The following TPO variants were observed in gnomAD, a reference collection of about 807,000 sequenced individuals.
The protein encoded by TPO is thyroid microsomal antigen.
TPO carries 78 observed loss-of-function variants against 96.9 expected under a neutral mutation model. The observed-to-expected ratio is 0.81, with a 90% CI of 0.67 to 0.97. The LOEUF is 0.97. Ranked by LOEUF, TPO falls within the 50% of genes least tolerant of loss-of-function variation. The pLI, the probability that TPO is intolerant of heterozygous loss-of-function variation, is 0.00. For missense variants in TPO, 1,252 were observed against 1,274.8 expected, an observed-to-expected ratio of 0.98 and a Z score of 0.27; for synonymous variants, 547 against 538.0, an observed-to-expected ratio of 1.02 and a Z score of -0.23.
intron 5 of TPO, chr2:1,439,222 A>T (rs2148514019): frequency 4.8e-6 from 1 of 210,036 alleles, no homozygotes; most frequent in South Asian, 1.2e-4. Flanking sequence ...TCTGCTGACC[A>T]CACAATGACA....
At chr2:1,395,652 C>T (rs1164441644) in intron 1 of TPO, among the ~76,000 whole-genome samples, 1 of 152,212 alleles carries the variant, frequency 6.6e-6, no homozygotes, top group South Asian at 2.1e-4. Context: ...ATTGTAGCTC[C>T]CATAATCCCC....
chr2:1,439,351 T>C (rs1263605156), intron 5 of TPO: 1 of 154,036 alleles, frequency 6.5e-6, no homozygotes, highest in African/African-American at 2.4e-5. Flanking sequence ...ATCTCCTACG[T>C]TCAAGGCTTC....
chr2:1,496,224 C>A (rs373066878), intron 12 of TPO, 27 bp downstream of exon 12: 1 of 1,604,848 alleles, frequency 6.2e-7, no homozygotes, highest in East Asian at 2.2e-5. Context: ...TCTCACACCA[C>A]GTTACAGCAC....
At chr2:1,527,209 A>AC (rs1676775163) in intron 15 of TPO, among the ~76,000 whole-genome samples, 1 of 22,048 alleles carries the variant, frequency 4.5e-5, no homozygotes, top group Non-Finnish European at 8.4e-5. Context: ...CAAATCCCCC[A>AC]ACTATATGCA....
chr2:1,479,162 G>A (rs755638879), intron 8 of TPO, among the ~76,000 whole-genome samples: 3 of 152,180 alleles, frequency 2.0e-5, no homozygotes, highest in Non-Finnish European at 4.4e-5. Context: ...CCAGGTCCTC[G>A]TCTCCATGAG....
At position 1,488,006 on chromosome 2, in the gene TPO, T is replaced by C; in HGVS notation, c.1768+15T>C. The C allele has an allele frequency of 6.2e-7, 1 of 1,612,326 alleles. No homozygotes were observed. Among genetic ancestry groups the C allele is most frequent in the Non-Finnish European group, 8.5e-7 (1 of 1,180,014 alleles). ...CGGGCTGCCAGGTCTGCCAGTTCCT[T>C]CCCTTGCACACCTCATGCAGCTGCT... On this transcript the variant is annotated intron_variant, in intron 10 of 16. Transcript: ENST00000329066.
intron 8 of TPO, among the ~76,000 whole-genome samples, chr2:1,478,690 G>A (rs1428536766): frequency 6.6e-6 from 1 of 152,164 alleles, no homozygotes; most frequent in African/African-American, 2.4e-5. Flanking sequence ...ACGGCAGACG[G>A]GCTCACTGTC....
At chr2:1,438,472 A>G (rs937382956) in intron 5 of TPO, among the ~76,000 whole-genome samples, 2 of 151,482 alleles carry the variant, frequency 1.3e-5, no homozygotes, top group Non-Finnish European at 2.9e-5. Context: ...ACTTTTTTCC[A>G]TTTCCTTTTC....
intron 7 of TPO, among the ~76,000 whole-genome samples, chr2:1,464,139 C>T (rs1232991861): frequency 6.6e-6 from 1 of 152,194 alleles, no homozygotes; most frequent in Non-Finnish European, 1.5e-5. Flanking sequence ...TGAGTGAGAA[C>T]ATAAAATGTT....
chr2:1,510,187 T>G (rs1049656232), intron 14 of TPO, among the ~76,000 whole-genome samples: 8 of 152,302 alleles, frequency 5.3e-5, no homozygotes, highest in African/African-American at 1.9e-4. Flanking sequence ...AATGTTTAAA[T>G]CAATGGTTCA....
At chr2:1,422,316 A>T (rs4927605) in intron 2 of TPO, among the ~76,000 whole-genome samples, 20 of 68,420 alleles carry the variant, frequency 2.9e-4, no homozygotes, top group African/African-American at 1.0e-3. Flanking sequence ...TCTCCTGGAC[A>T]GACCTCGTGC....
At chr2:1,528,579 C>T (rs1384166506) in intron 15 of TPO, among the ~76,000 whole-genome samples, 1 of 146,112 alleles carries the variant, frequency 6.8e-6, no homozygotes, top group African/African-American at 2.6e-5. Flanking sequence ...AATCGCCCCA[C>T]TCTGTGCAAC....
intron 3 of TPO, among the ~76,000 whole-genome samples, chr2:1,424,217 G>T (rs1664087987): frequency 6.6e-6 from 1 of 152,204 alleles, no homozygotes; most frequent in Non-Finnish European, 1.5e-5. Flanking sequence ...ATAAGTAGAT[G>T]TAACAGTTTT....
chr2:1,495,200 C>T (rs1042340558), intron 11 of TPO, among the ~76,000 whole-genome samples: 2 of 152,142 alleles, frequency 1.3e-5, no homozygotes, highest in Non-Finnish European at 2.9e-5. Context: ...CTCCCCAATG[C>T]AAAAATGGGA....
chr2:1,523,660 A>G (rs1440759299), intron 15 of TPO, among the ~76,000 whole-genome samples: 2 of 56,320 alleles, frequency 3.6e-5, no homozygotes, highest in Non-Finnish European at 6.6e-5. Context: ...ACTGTGTTCA[A>G]CCTCCTCGAA....
chr2:1,393,109 G>T (rs959849901), intron 1 of TPO, among the ~76,000 whole-genome samples: 5 of 152,220 alleles, frequency 3.3e-5, no homozygotes, highest in Admixed American at 2.6e-4. Context: ...TCTGTAAGCT[G>T]TAGAGGAAAC....
chr2:1,488,479 C>T (rs943782131), intron 10 of TPO, among the ~76,000 whole-genome samples: 2 of 152,114 alleles, frequency 1.3e-5, no homozygotes, highest in African/African-American at 4.8e-5. Context: ...CCCCTGTGCT[C>T]CCCACACCCC....
At chr2:1,488,034 G>A (rs367965420) in intron 10 of TPO, 43 bp downstream of exon 10, 29 of 1,610,120 alleles carry the variant, frequency 1.8e-5, no homozygotes, top group Middle Eastern at 4.4e-4. Context: ...CAGCTGCTGC[G>A]GGATTTGCCG....
In TPO at chr2:1,423,047, A is replaced by G. The variant is rs138549914; in HGVS notation, c.97A>G (p.Lys33Glu). ...ISRGKELLWGKPEESRVSSVL... is the reference protein window; with the variant it reads ...ISRGKELLWGEPEESRVSSVL... ...CTGTGTGACATTCTGTTCCGTAGGA[A>G]AGCCTGAGGAGTCTCGTGTCTCTAG... Residue 33 changes from lysine to glutamate, a missense_variant and splice_region_variant, in exon 3 of 17, where the codon AAG becomes GAG. By Grantham distance (56) the Lys-to-Glu change is moderately conservative. Transcript: ENST00000329066. 5 of 1,614,172 alleles carry G rather than the reference A, an allele frequency of 3.1e-6. No homozygotes were observed. The highest frequency in any genetic ancestry group is 4.2e-6 in the Non-Finnish European group (5 of 1,180,012).
Sources: allele counts gnomAD v4.1 joint callset (sites outside exome capture counted in the v4.1 genomes callset), GRCh38; gene constraint gnomAD v4.1.1; transcripts MANE v1.5; gene names NCBI Gene and HGNC (gene_info 2026-07-23, HGNC 2026-07-21).